SPAG16: variants seen among roughly 807,000 people sequenced by gnomAD.
SPAG16 encodes sperm-associated antigen 16 protein.
SPAG16 carries 86 observed loss-of-function variants against 80.4 expected under a neutral mutation model. The ratio of observed to expected loss-of-function variants is 1.07; its 90% confidence interval spans 0.90 to 1.28. The LOEUF is 1.28. Among genes scored for constraint, SPAG16 ranks in the 50% most tolerant of loss-of-function variants. SPAG16 has a pLI of 0.00. For missense variants in SPAG16, 870 were observed against 765.3 expected (o/e 1.14, Z -1.61); for synonymous variants, 294 against 265.9 (o/e 1.11, Z -1.03).
Position 214,089,693 on chromosome 2 carries a change from C to A in SPAG16, c.1528-18503C>A, listed in dbSNP as rs568720584. Among the ~76,000 whole-genome samples, 87 of 152,090 alleles carry A rather than the reference C, an allele frequency of 5.7e-4. No homozygotes were observed. The South Asian group carries it at 6.0e-3, about 11-fold the overall frequency. ...CTTGGTTGTTTCAAAGACATCTTAGCACAGTATTTACAATATTGAATTTAT... is the reference window on the plus strand; with the variant it reads ...CTTGGTTGTTTCAAAGACATCTTAGAACAGTATTTACAATATTGAATTTAT... On this transcript the variant is annotated intron_variant, in intron 13 of 15. Coordinates refer to ENST00000331683, the MANE Select transcript of SPAG16 (RefSeq NM_024532.5).
intron 10 of SPAG16, among the ~76,000 whole-genome samples, chr2:213,857,102 C>T (rs994446938): frequency 5.3e-5 from 8 of 151,990 alleles, no homozygotes; most frequent in Admixed American, 6.6e-5. Context: ...TGGTGGCGGG[C>T]GCCTGAAATC....
At chr2:214,143,593 G>T (rs1025519711) in intron 14 of SPAG16, among the ~76,000 whole-genome samples, 2 of 151,826 alleles carry the variant, frequency 1.3e-5, no homozygotes, top group African/African-American at 4.8e-5. Flanking sequence ...CTGAGTTTTA[G>T]CTCATTTAAA....
At chr2:214,365,235 A>G (rs1264626126) in intron 15 of SPAG16, among the ~76,000 whole-genome samples, 2 of 152,204 alleles carry the variant, frequency 1.3e-5, no homozygotes, top group African/African-American at 4.8e-5. Flanking sequence ...GTGAGTTTGA[A>G]GAGCAAATAT....
intron 11 of SPAG16, among the ~76,000 whole-genome samples, chr2:213,911,333 C>T (rs1054365881): frequency 1.3e-5 from 2 of 152,150 alleles, no homozygotes; most frequent in South Asian, 2.1e-4. Flanking sequence ...TTTCTAGAGA[C>T]GAGGTTTCAC....
intron 15 of SPAG16, among the ~76,000 whole-genome samples, chr2:214,260,019 T>G (rs1691020884): frequency 6.6e-6 from 1 of 152,144 alleles, no homozygotes; most frequent in African/African-American, 2.4e-5. Context: ...AAAATTTTAT[T>G]TAGCAGAGGA....
At chr2:214,265,089 A>G (rs1691457576) in intron 15 of SPAG16, among the ~76,000 whole-genome samples, 2 of 152,198 alleles carry the variant, frequency 1.3e-5, no homozygotes, top group African/African-American at 4.8e-5. Context: ...TGCCATAAAC[A>G]TCAAGTTTTC....
At chr2:213,858,000 C>T (rs1387402136) in intron 10 of SPAG16, among the ~76,000 whole-genome samples, 1 of 152,106 alleles carries the variant, frequency 6.6e-6, no homozygotes, top group Admixed American at 6.6e-5. Flanking sequence ...AAATGCGATT[C>T]AATTGCTACA....
intron 10 of SPAG16, among the ~76,000 whole-genome samples, chr2:213,645,247 G>A (rs902632627): frequency 2.0e-5 from 3 of 152,118 alleles, no homozygotes; most frequent in Non-Finnish European, 4.4e-5. Context: ...AGCTTTTAGG[G>A]CAGTGGGCTC....
intron 10 of SPAG16, among the ~76,000 whole-genome samples, chr2:213,591,535 T>C (rs1227242496): frequency 6.6e-6 from 1 of 152,200 alleles, no homozygotes; most frequent in Non-Finnish European, 1.5e-5. Flanking sequence ...CATTTAAAAA[T>C]ACTACCAGTG....
At chr2:213,434,597 T>G (rs1467172147) in intron 9 of SPAG16, among the ~76,000 whole-genome samples, 2 of 152,170 alleles carry the variant, frequency 1.3e-5, no homozygotes, top group Non-Finnish European at 2.9e-5. Flanking sequence ...ATCCAGAATT[T>G]ATAGGGAACT....
intron 12 of SPAG16, among the ~76,000 whole-genome samples, chr2:213,953,854 G>A (rs1205615708): frequency 1.3e-5 from 2 of 151,902 alleles, no homozygotes; most frequent in Admixed American, 1.3e-4. Flanking sequence ...TGAACCAAAA[G>A]ATTGTATGCA....
At chr2:214,036,940 TTTTTG>T (rs1182325840) in intron 13 of SPAG16, among the ~76,000 whole-genome samples, 1 of 152,114 alleles carries the variant, frequency 6.6e-6, no homozygotes, top group African/African-American at 2.4e-5. Flanking sequence ...TTCACCTTCC[TTTTTG>T]TTTTATTATT....
At chr2:214,394,847 C>G (rs911554146) in intron 15 of SPAG16, among the ~76,000 whole-genome samples, 15 of 152,292 alleles carry the variant, frequency 9.8e-5, no homozygotes, top group Admixed American at 3.3e-4. Flanking sequence ...CCTAAAAATC[C>G]TCTGTGCTCT....
chr2:214,187,589 G>A (rs1559114952), intron 15 of SPAG16, among the ~76,000 whole-genome samples: 2 of 151,842 alleles, frequency 1.3e-5, no homozygotes, highest in African/African-American at 2.4e-5. Context: ...TAGCTTGAAC[G>A]GAAGCTGAGA....
intron 10 of SPAG16, among the ~76,000 whole-genome samples, chr2:213,575,388 T>G (rs2060088331): frequency 6.6e-6 from 1 of 152,176 alleles, no homozygotes; most frequent in African/African-American, 2.4e-5. Context: ...AAAGCAATAA[T>G]AAAATTAAAG....
intron 12 of SPAG16, among the ~76,000 whole-genome samples, chr2:213,968,535 T>C (rs2044842339): frequency 1.3e-5 from 2 of 152,220 alleles, no homozygotes; most frequent in African/African-American, 4.8e-5. Context: ...CTTCTGCTGA[T>C]GGAATGAAGA....
intron 10 of SPAG16, among the ~76,000 whole-genome samples, chr2:213,740,009 A>G (rs2067473136): frequency 1.3e-5 from 2 of 152,220 alleles, no homozygotes; most frequent in Admixed American, 6.5e-5. Context: ...CAACAATACT[A>G]TGAATTCTTT....
chr2:213,726,181 T>C (rs1559413507), intron 10 of SPAG16, among the ~76,000 whole-genome samples: 1 of 152,224 alleles, frequency 6.6e-6, no homozygotes, highest in East Asian at 1.9e-4. Context: ...ATTAAAACTT[T>C]CCAGGAGCAA....
At chr2:214,260,471 T>C (rs991117201) in intron 15 of SPAG16, among the ~76,000 whole-genome samples, 3 of 152,186 alleles carry the variant, frequency 2.0e-5, no homozygotes, top group Non-Finnish European at 2.9e-5. Flanking sequence ...GCTACTGTGT[T>C]ATAGATGCCA....
Sources: gnomAD v4.1 joint callset for allele counts (sites outside exome capture counted in the v4.1 genomes callset) on GRCh38, gnomAD v4.1.1 for gene constraint, MANE v1.5 for transcripts, NCBI Gene and HGNC (gene_info 2026-07-23, HGNC 2026-07-21) for gene names.